Variants in MAT1A observed in about 807,000 individuals in gnomAD.
The protein encoded by MAT1A is methionine adenosyltransferase 1A.
In MAT1A, 19 loss-of-function variants were observed where a neutral mutation model predicts 44.0. The observed-to-expected ratio is 0.43, with a 90% CI of 0.30 to 0.63. The LOEUF is 0.63. MAT1A is among the 30% of genes least tolerant of loss of function. The pLI, the probability that MAT1A is intolerant of heterozygous loss-of-function variation, is 0.12. For missense variants in MAT1A, 397 were observed against 531.0 expected (o/e 0.75, Z 2.48); for synonymous variants, 205 against 205.6 (o/e 1.00, Z 0.03).
chr10:80,284,282 C>A (rs1035515994), intron 2 of MAT1A, among the ~76,000 whole-genome samples: 1 of 152,174 alleles, frequency 6.6e-6, no homozygotes, highest in Non-Finnish European at 1.5e-5. Flanking sequence ...ACTTATTTAA[C>A]CCCTCTAAGT....
rs747474362 is a variant in MAT1A, at chr10:80,283,977, C to T, written c.231G>A (p.Val77=). The T allele has an allele frequency of 2.5e-6, 4 of 1,614,254 alleles. No individual in the cohort carries two copies. The highest frequency in any genetic ancestry group is 1.1e-5 in the South Asian group (1 of 91,086). The change falls in exon 3 of 9, where the codon GTG becomes GTA. Residue 77 remains valine, a synonymous_variant. Coordinates refer to ENST00000372213, the MANE Select transcript of MAT1A (RefSeq NM_000429.3). ...LCGEITSMAM[V]DYQRVVRDTI... ...TGTCCCTCACCACCCGCTGGTAGTC[C>T]ACCATGGCCATTGAGGTGATCTCAC... is the stretch of plus-strand genomic sequence containing the variant.
At chr10:80,275,276 C>T in intron 6 of MAT1A, 77 bp from the exon 7 acceptor site, 1 of 1,299,030 alleles carries the variant, frequency 7.7e-7, no homozygotes, top group Non-Finnish European at 1.1e-6. Context: ...ACTGTGATGG[C>T]AGCTGAACTG....
At chr10:80,280,904 T>A (rs1589482312) in intron 3 of MAT1A, 112 bp from the exon 4 acceptor site, 1 of 796,712 alleles carries the variant, frequency 1.3e-6, no homozygotes, top group African/African-American at 1.7e-5. Context: ...AGCGTGGGGG[T>A]TCCCTAACTA....
At chr10:80,288,388 C>A (rs1407154288) in intron 1 of MAT1A, among the ~76,000 whole-genome samples, 3 of 152,144 alleles carry the variant, frequency 2.0e-5, no homozygotes, top group Non-Finnish European at 4.4e-5. Flanking sequence ...GGGGCCCAGC[C>A]CTCTGTTGTC....
intron 1 of MAT1A, among the ~76,000 whole-genome samples, chr10:80,287,580 A>G (rs1210332059): frequency 6.6e-6 from 1 of 152,188 alleles, no homozygotes; most frequent in African/African-American, 2.4e-5. Flanking sequence ...TCCTCTGAGC[A>G]CATTGCTGCT....
At chr10:80,274,680 T>C (rs754903402) in intron 7 of MAT1A, 27 bp from the exon 8 acceptor site, 4 of 1,613,828 alleles carry the variant, frequency 2.5e-6, no homozygotes, top group East Asian at 4.5e-5. Flanking sequence ...GCGTCAGGGA[T>C]TGAAGCCTCT....
At chr10:80,281,454 G>A (rs1216723493) in intron 3 of MAT1A, among the ~76,000 whole-genome samples, 1 of 152,118 alleles carries the variant, frequency 6.6e-6, no homozygotes, top group Non-Finnish European at 1.5e-5. Flanking sequence ...CTGGTTTGGG[G>A]AAGTCTGGAC....
In MAT1A at chr10:80,280,797, G is replaced by C. The variant is rs1289521775; in HGVS notation, c.293-5C>G. 6.2e-7 allele frequency: 1 copy of C among 1,612,204 alleles called. No individual in the cohort carries two copies. On this transcript the variant is annotated splice_polypyrimidine_tract_variant and splice_region_variant and intron_variant, in intron 3 of 8. Coordinates refer to ENST00000372213, the MANE Select transcript of MAT1A (RefSeq NM_000429.3). ...TGCAAGTCTTGAAGTCAAAGCCTAGGCGGAAGCAAAGTGAGCCTAAGTGGG... is the reference window on the plus strand; with the variant it reads ...TGCAAGTCTTGAAGTCAAAGCCTAGCCGGAAGCAAAGTGAGCCTAAGTGGG...
Position 80,273,876 on chromosome 10 carries a change from C to A in MAT1A, c.1093G>T (p.Asp365Tyr). 1.2e-6 allele frequency: 2 copies of A among 1,606,858 alleles called. No individual in the cohort carries two copies. ...TTCTGGTAGATGGGCTTCTTCAAGT[C>A]CAAATCCCTGCATGTCCAGCAGAAA... ...LRPGVIVRDL[D>Y]LKKPIYQKTA... The change falls in exon 9 of 9, where the codon GAC (aspartate) becomes TAC (tyrosine). Residue 365 changes from aspartate to tyrosine, a missense_variant. Coordinates refer to ENST00000372213, the MANE Select transcript of MAT1A (RefSeq NM_000429.3).
At chr10:80,275,354 G>C in intron 6 of MAT1A, 155 bp from the exon 7 acceptor site, 1 of 694,490 alleles carries the variant, frequency 1.4e-6, no homozygotes, top group Non-Finnish European at 2.5e-6. Context: ...CCAGAACTCT[G>C]GACTCCACTC....
rs1364515992 is a variant in MAT1A, at chr10:80,274,560, CCA to C, written c.1043_1044del (p.Val348GlyfsTer3). The C allele has an allele frequency of 6.2e-7, 1 of 1,614,194 alleles. No homozygotes were observed. The highest frequency in any genetic ancestry group is 8.5e-7 in the Non-Finnish European group (1 of 1,180,036). On this transcript the variant is annotated frameshift_variant, in exon 8 of 9. Coordinates refer to ENST00000372213, the MANE Select transcript of MAT1A (RefSeq NM_000429.3). LOFTEE classifies it high-confidence loss of function. ...GGCCGGAGGTCGAAGTTCTTATGCA[CCA>C]CATCCAGCAGCTCTCGCTCTGTCTT... ...SQKTERELLD[V>X]VHKNFDLRPG...
chr10:80,279,705 G>C (rs1024241028), intron 5 of MAT1A, among the ~76,000 whole-genome samples: 2 of 152,060 alleles, frequency 1.3e-5, no homozygotes, highest in East Asian at 3.9e-4. Flanking sequence ...CTTTTCATGA[G>C]AAACAAAGAT....
rs1434742011 is a variant in MAT1A at position 80,275,046 on chromosome 10, C to G, written c.922G>C (p.Ala308Pro). 1 of 1,561,158 alleles carries G rather than the reference C, an allele frequency of 6.4e-7. No homozygotes were observed. The highest frequency in any genetic ancestry group is 2.4e-5 in the East Asian group (1 of 41,590). The stretch of plus-strand genomic sequence containing the variant: ...ACAAGCACTCTCCGGCAGAGCCCTG[C>G]TTTCACCAGAGACTTGGCCACCCAG... The part of the protein sequence containing the change: ...ARWVAKSLVK[A>P]GLCRRVLVQV... The change falls in exon 7 of 9, where the codon GCA (alanine) becomes CCA (proline). Residue 308 changes from alanine to proline, a missense_variant. Ala to Pro is a conservative substitution (Grantham distance 27, BLOSUM62 -1). Transcript: ENST00000372213.
At chr10:80,280,903 G>T in intron 3 of MAT1A, 111 bp from the exon 4 acceptor site, 6 of 803,194 alleles carry the variant, frequency 7.5e-6, no homozygotes, top group Non-Finnish European at 1.1e-5. Flanking sequence ...CAGCGTGGGG[G>T]TTCCCTAACT....
chr10:80,280,221 G>A lies in MAT1A; in HGVS notation c.501C>T (p.Leu167=), dbSNP rs767140241. 4 of 1,614,150 alleles carry A rather than the reference G, an allele frequency of 2.5e-6. No individual in the cohort carries two copies. The South Asian group carries it at 3.3e-5, about 13-fold the overall frequency. ...GCCAGGGGAGGAGGCCGGAGCGCCT[G>A]AGGTCTGCCATCCGGGCGTTGAGCT... ...AHKLNARMAD[L]RRSGLLPWLR... is the part of the protein sequence containing the mutation. The change falls in exon 5 of 9, where the codon CTC becomes CTT. Residue 167 remains leucine, a synonymous_variant. Coordinates refer to ENST00000372213, the MANE Select transcript of MAT1A (RefSeq NM_000429.3).
Position 80,273,323 on chromosome 10 carries a change from T to C in MAT1A, c.*458A>G, listed in dbSNP as rs1008887377. ...CACATGCCTGGCCTGGGTGGGGCTT[T>C]CTGGAGACCCTGGCTCAGGGCACTG... On this transcript the variant is annotated 3_prime_UTR_variant, in exon 9 of 9. Coordinates refer to ENST00000372213, the MANE Select transcript of MAT1A (RefSeq NM_000429.3). 5 of 252,760 alleles carry C rather than the reference T, an allele frequency of 2.0e-5. No individual in the cohort carries two copies. The highest frequency in any genetic ancestry group is 9.0e-5 in the African/African-American group (4 of 44,614). 15.7% of individuals were successfully genotyped at this position (252,760 alleles called of 1,614,324 possible). A position where few individuals can be genotyped will look rare whatever the true frequency, so the allele number is the denominator to read the frequency against.
chr10:80,277,503 C>T (rs1564646304), intron 5 of MAT1A, among the ~76,000 whole-genome samples: 1 of 152,158 alleles, frequency 6.6e-6, no homozygotes, highest in Non-Finnish European at 1.5e-5. Flanking sequence ...TGAGATGGCC[C>T]GATGCACACA....
chr10:80,289,495 T>TTTTTCTTC lies in MAT1A; in HGVS notation c.-73_-72insGAAGAAAA. The stretch of plus-strand genomic sequence containing the variant: ...GGCTGTGACTTTGCCTGAGTTTTTT[T>TTTTTCTTC]TTCTTCTTCTTCTTCTTCTTTCAAC... On this transcript the variant is annotated 5_prime_UTR_variant, in exon 1 of 9. Transcript: ENST00000372213. 1.2e-6 allele frequency: 1 copy of TTTTTCTTC among 863,550 alleles called. No individual in the cohort carries two copies. Among genetic ancestry groups the TTTTTCTTC allele is most frequent in the Non-Finnish European group, 1.9e-6 (1 of 521,532 alleles). 53.5% of individuals were successfully genotyped at this position (863,550 alleles called of 1,614,324 possible).
chr10:80,289,494 TTTTC>T lies in MAT1A; in HGVS notation c.-75_-72del. ...AGGCTGTGACTTTGCCTGAGTTTTT[TTTTC>T]TTCTTCTTCTTCTTCTTTCAACCCA... On this transcript the variant is annotated 5_prime_UTR_variant, in exon 1 of 9. Coordinates refer to ENST00000372213, the MANE Select transcript of MAT1A (RefSeq NM_000429.3). 2.3e-5 allele frequency: 26 copies of T among 1,152,792 alleles called. No individual in the cohort carries two copies. The highest frequency in any genetic ancestry group is 3.1e-5 in the Non-Finnish European group (25 of 799,250). The allele number at this position is 1,152,792 out of a possible 1,614,324, so 71.4% of individuals were successfully genotyped here. A position where few individuals can be genotyped will look rare whatever the true frequency, so the allele number is the denominator to read the frequency against.
Sources: allele counts gnomAD v4.1 joint callset (sites outside exome capture counted in the v4.1 genomes callset), GRCh38; gene constraint gnomAD v4.1.1; transcripts MANE v1.5; gene names NCBI Gene and HGNC (gene_info 2026-07-23, HGNC 2026-07-21).